ABHD17B: variants seen among roughly 807,000 people sequenced by gnomAD.
ABHD17B encodes abhydrolase domain containing 17B, depalmitoylase.
In ABHD17B, 9 loss-of-function variants were observed where a neutral mutation model predicts 26.2. That is an observed-to-expected ratio of 0.34 (90% CI 0.21 to 0.60). The LOEUF (loss-of-function observed/expected upper bound fraction) is 0.60. ABHD17B is among the 20% of genes least tolerant of loss of function. The pLI is 0.80. For missense variants in ABHD17B, 224 were observed against 352.1 expected (o/e 0.64, Z 2.91); for synonymous variants, 127 against 122.3 (o/e 1.04, Z -0.25).
intron 1 of ABHD17B, among the ~76,000 whole-genome samples, chr9:71,892,622 A>C (rs908999615): frequency 6.6e-6 from 1 of 151,394 alleles, no homozygotes; most frequent in Non-Finnish European, 1.5e-5. Flanking sequence ...TAAAATTTAT[A>C]AACATAAATT....
In ABHD17B at chr9:71,866,030, T is replaced by G; in HGVS notation, c.*757A>C. On this transcript the variant is annotated 3_prime_UTR_variant, in exon 4 of 4. Transcript: ENST00000333421. ...AAAACATCGTATACAAAATCATTCTTGAAATCTCTAAATGCCTTTTAAGTA... is the reference window on the plus strand; with the variant it reads ...AAAACATCGTATACAAAATCATTCTGGAAATCTCTAAATGCCTTTTAAGTA... 3.0e-6 allele frequency: 3 copies of G among 985,440 alleles called. No individual in the cohort carries two copies. The highest frequency in any genetic ancestry group is 3.6e-6 in the Non-Finnish European group (3 of 829,918). The allele number at this position is 985,440 out of a possible 1,614,324, so 61.0% of individuals were successfully genotyped here.
chr9:71,888,499 C>T lies in ABHD17B; in HGVS notation c.-3-13416G>A, dbSNP rs115992707. On this transcript the variant is annotated intron_variant, in intron 1 of 3. Coordinates refer to ENST00000333421, the MANE Select transcript of ABHD17B (RefSeq NM_001025780.3). ...CCCTGAGAAACTTTTCAGGTGAGTA[C>T]CTACTCAGTATTTTTCATACCATAG... Among the ~76,000 whole-genome samples, 12 of 152,222 alleles carry T rather than the reference C, an allele frequency of 7.9e-5. No homozygotes were observed. The East Asian group carries it at 2.3e-3, about 29-fold the overall frequency.
chr9:71,868,451 G>T (rs1219247024), intron 3 of ABHD17B, among the ~76,000 whole-genome samples: 1 of 152,040 alleles, frequency 6.6e-6, no homozygotes, highest in Non-Finnish European at 1.5e-5. Flanking sequence ...AGGCAACTTG[G>T]AGGACACAGA....
intron 1 of ABHD17B, among the ~76,000 whole-genome samples, chr9:71,892,697 A>G (rs1200656608): frequency 6.6e-6 from 1 of 151,978 alleles, no homozygotes; most frequent in African/African-American, 2.4e-5. Context: ...TGCAGAGGTG[A>G]GAGAGTAAGG....
At chr9:71,871,192 T>C (rs945670421) in intron 2 of ABHD17B, among the ~76,000 whole-genome samples, 3 of 152,230 alleles carry the variant, frequency 2.0e-5, no homozygotes, top group African/African-American at 7.2e-5. Flanking sequence ...CAGCTGCTTT[T>C]GGAAATCTTT....
intron 1 of ABHD17B, among the ~76,000 whole-genome samples, chr9:71,908,084 A>G (rs1827337998): frequency 6.6e-6 from 1 of 152,140 alleles, no homozygotes; most frequent in African/African-American, 2.4e-5. Flanking sequence ...TCTGGGCTTT[A>G]TTTATTTCAT....
chr9:71,878,746 T>C (rs1419553105), intron 1 of ABHD17B, among the ~76,000 whole-genome samples: 3 of 151,762 alleles, frequency 2.0e-5, no homozygotes, highest in African/African-American at 4.8e-5. Flanking sequence ...TAGGAAAACA[T>C]TGTCTCTATC....
chr9:71,884,964 G>T lies in ABHD17B; in HGVS notation c.-3-9881C>A, dbSNP rs537145424. On this transcript the variant is annotated intron_variant, in intron 1 of 3. Transcript: ENST00000333421. Reference sequence around the variant, plus strand: ...CTATTACTTAGGTTTTTCATATGGGGGCAAAACAGAATCTTTTTCATATGG... The same window carrying T: ...CTATTACTTAGGTTTTTCATATGGGTGCAAAACAGAATCTTTTTCATATGG... 1.3e-4 allele frequency among the ~76,000 whole-genome samples: 20 copies of T among 152,106 alleles called. 1 individual carries two copies. The South Asian group carries it at 3.9e-3, about 30-fold the overall frequency.
chr9:71,906,224 A>G (rs1827278407), intron 1 of ABHD17B, among the ~76,000 whole-genome samples: 1 of 152,236 alleles, frequency 6.6e-6, no homozygotes, highest in Non-Finnish European at 1.5e-5. Flanking sequence ...TAGTTTTAAC[A>G]TAGATGATTT....
intron 1 of ABHD17B, among the ~76,000 whole-genome samples, chr9:71,900,957 G>C (rs1164969408): frequency 2.6e-5 from 4 of 152,012 alleles, no homozygotes; most frequent in African/African-American, 9.7e-5. Flanking sequence ...AGACCGTCCT[G>C]GCTAACACTG....
At chr9:71,883,243 A>G (rs557368281) in intron 1 of ABHD17B, among the ~76,000 whole-genome samples, 5 of 152,310 alleles carry the variant, frequency 3.3e-5, no homozygotes, top group African/African-American at 1.2e-4. Flanking sequence ...AAATGTCTAT[A>G]AAGAGCAAAG....
chr9:71,865,879 C>T lies in ABHD17B; in HGVS notation c.*908G>A, dbSNP rs1046842093. On this transcript the variant is annotated 3_prime_UTR_variant, in exon 4 of 4. Coordinates refer to ENST00000333421, the MANE Select transcript of ABHD17B (RefSeq NM_001025780.3). ...CCATCTCAAAAAATGAAAAAAATAG[C>T]CAAAGTGAAAAGGGATCTGATAGCC... 2.0e-6 allele frequency: 2 copies of T among 985,070 alleles called. No individual in the cohort carries two copies. The highest frequency in any genetic ancestry group is 1.7e-5 in the African/African-American group (1 of 57,282). 61.0% of individuals were successfully genotyped at this position (985,070 alleles called of 1,614,324 possible).
At chr9:71,865,066 T>A, downstream of ABHD17B, 2 of 755,350 alleles carry the variant, frequency 2.6e-6, no homozygotes, top group Non-Finnish European at 3.2e-6. Context: ...ATTTTCAAAC[T>A]ATGTCCTATA....
At position 71,911,139 on chromosome 9, in the gene ABHD17B, G is replaced by A. The variant is rs559803319; in HGVS notation, c.-509C>T. On this transcript the variant is annotated 5_prime_UTR_variant, in exon 1 of 4. Coordinates refer to ENST00000333421, the MANE Select transcript of ABHD17B (RefSeq NM_001025780.3). The stretch of plus-strand genomic sequence containing the variant: ...TTCCGGTAGCGGGAGGAAGACTGGA[G>A]GGGAACGGAGGGGACGAGCACAATC... Among the ~76,000 whole-genome samples the A allele has an allele frequency of 1.1e-3, 166 of 152,276 alleles. 1 individual carries two copies. Among genetic ancestry groups the A allele is most frequent in the African/African-American group, 3.8e-3 (159 of 41,578 alleles).
intron 1 of ABHD17B, among the ~76,000 whole-genome samples, chr9:71,886,864 G>A (rs914124098): frequency 1.3e-5 from 2 of 151,912 alleles, no homozygotes; most frequent in Non-Finnish European, 1.5e-5. Flanking sequence ...TAAACTCGGA[G>A]AAAAAATTTA....
chr9:71,900,687 A>G (rs1444470449), intron 1 of ABHD17B, among the ~76,000 whole-genome samples: 1 of 146,710 alleles, frequency 6.8e-6, no homozygotes, highest in Non-Finnish European at 1.5e-5. Context: ...AAACTTCTCC[A>G]CAGGTCCTTA....
intron 3 of ABHD17B, among the ~76,000 whole-genome samples, chr9:71,869,164 C>G (rs2132124902): frequency 6.6e-6 from 1 of 152,264 alleles, no homozygotes; most frequent in Non-Finnish European, 1.5e-5. Context: ...TTACCTGAAA[C>G]AAAAACAAAC....
chr9:71,877,471 G>A (rs1032128357), intron 1 of ABHD17B, among the ~76,000 whole-genome samples: 2 of 152,236 alleles, frequency 1.3e-5, no homozygotes, highest in Admixed American at 6.5e-5. Context: ...AGGCTGGAGT[G>A]CAGTGGTGCG....
intron 1 of ABHD17B, among the ~76,000 whole-genome samples, chr9:71,900,233 T>C (rs1226587048): frequency 2.0e-5 from 3 of 152,194 alleles, no homozygotes; most frequent in African/African-American, 7.2e-5. Context: ...AATGTGCGAG[T>C]AAACACAAAG....
Sources: gnomAD v4.1 joint callset for allele counts (sites outside exome capture counted in the v4.1 genomes callset) on GRCh38, gnomAD v4.1.1 for gene constraint, MANE v1.5 for transcripts, NCBI Gene and HGNC (gene_info 2026-07-23, HGNC 2026-07-21) for gene names.